The following LYST variants were observed in gnomAD, a reference collection of about 807,000 sequenced individuals.
The protein encoded by LYST is lysosomal-trafficking regulator.
Under a neutral mutation model 413.6 loss-of-function variants are expected in LYST, and 192 were observed. The ratio of observed to expected loss-of-function variants is 0.46; its 90% CI spans 0.41 to 0.52. The LOEUF is 0.52. Among genes scored for constraint, LYST ranks in the 20% least tolerant of loss-of-function variants. The probability of loss-of-function intolerance (pLI) is 0.00; values close to 1 mark genes in which losing one functional copy is unlikely to be tolerated. For synonymous variants in LYST, 1,525 were observed against 1,567.3 expected (o/e 0.97, Z 0.64); for missense variants, 3,815 against 4,499.9 (o/e 0.85, Z 4.35).
At chr1:235,695,629 ATTTTTTTTTT>A (rs148101450) in intron 46 of LYST, among the ~76,000 whole-genome samples, 2 of 116,418 alleles carry the variant, frequency 1.7e-5, no homozygotes, top group Non-Finnish European at 1.7e-5. Context: ...CAGTACTCTA[ATTTTTTTTTT>A]TTTTTTTTTT....
intron 3 of LYST, among the ~76,000 whole-genome samples, chr1:235,815,211 C>T (rs1032980255): frequency 2.0e-5 from 3 of 152,188 alleles, no homozygotes; most frequent in African/African-American, 7.2e-5. Context: ...CCCTACTAAA[C>T]AGGCCAGGCA....
intron 1 of LYST, among the ~76,000 whole-genome samples, chr1:235,851,332 T>C (rs999697301): frequency 2.0e-5 from 3 of 151,258 alleles, no homozygotes; most frequent in East Asian, 3.9e-4. Flanking sequence ...ATGTTCTCAC[T>C]GATATGTGGG....
chr1:235,743,077 C>G (rs1295128518), intron 30 of LYST, among the ~76,000 whole-genome samples: 1 of 152,132 alleles, frequency 6.6e-6, no homozygotes, highest in African/African-American at 2.4e-5. Context: ...TCTGTGGTTT[C>G]AGGCATTCAC....
intron 3 of LYST, among the ~76,000 whole-genome samples, chr1:235,819,442 C>T (rs1674512874): frequency 6.6e-6 from 1 of 152,130 alleles, no homozygotes; most frequent in Non-Finnish European, 1.5e-5. Flanking sequence ...GATCTTATCT[C>T]CCAAGTTTTA....
chr1:235,757,988 G>A lies in LYST; in HGVS notation c.6882-530C>T, dbSNP rs139496715. ...GAGAAGAGAGGCAAATATTGGTACA[G>A]GGGAAGAATCTAGCATTACAGAATA... On this transcript the variant is annotated intron_variant, in intron 23 of 52. Coordinates refer to ENST00000389793, the MANE Select transcript of LYST (RefSeq NM_000081.4). Among the ~76,000 whole-genome samples the A allele has an allele frequency of 9.9e-5, 15 of 152,046 alleles. No homozygotes were observed. In the East Asian group the frequency reaches 2.5e-3, roughly 25 times the overall value.
At chr1:235,837,660 T>A (rs1049604758) in intron 1 of LYST, among the ~76,000 whole-genome samples, 4 of 150,716 alleles carry the variant, frequency 2.7e-5, no homozygotes, top group African/African-American at 4.9e-5. Context: ...GAAGTTAAGT[T>A]AAGTAAGATG....
chr1:235,778,216 G>A (rs897618337), intron 16 of LYST, among the ~76,000 whole-genome samples: 2 of 150,838 alleles, frequency 1.3e-5, no homozygotes, highest in Non-Finnish European at 2.9e-5. Context: ...AGAGTGCTGG[G>A]ATTATAGGCA....
intron 48 of LYST, among the ~76,000 whole-genome samples, chr1:235,684,766 G>GCAC (rs1660078338): frequency 6.6e-6 from 1 of 151,946 alleles, no homozygotes; most frequent in African/African-American, 2.4e-5. Context: ...CCACAGGCAT[G>GCAC]CACCACCATG....
intron 45 of LYST, among the ~76,000 whole-genome samples, chr1:235,698,668 A>G (rs1000702802): frequency 3.9e-5 from 6 of 152,038 alleles, no homozygotes; most frequent in Admixed American, 6.6e-5. Flanking sequence ...TCAGGAGATC[A>G]AGACCATCCT....
intron 3 of LYST, chr1:235,827,646 G>C (rs1675480323): frequency 1.0e-6 from 1 of 984,376 alleles, no homozygotes; most frequent in African/African-American, 1.8e-5. Flanking sequence ...GTTTTAAATG[G>C]CTATTTATTT....
At chr1:235,880,999 G>T (rs1200467762) in intron 1 of LYST, among the ~76,000 whole-genome samples, 1 of 152,120 alleles carries the variant, frequency 6.6e-6, no homozygotes, top group African/African-American at 2.4e-5. Context: ...GGTGGAGGGT[G>T]CATGTAATCC....
chr1:235,765,940 ACT>A, intron 21 of LYST, 137 bp downstream of exon 21: 2 of 750,062 alleles, frequency 2.7e-6, no homozygotes, highest in East Asian at 2.5e-5. Flanking sequence ...TCATTCTATA[ACT>A]CTCTGCCCTA....
chr1:235,680,235 G>A (rs144247734), intron 48 of LYST, among the ~76,000 whole-genome samples: 2 of 152,074 alleles, frequency 1.3e-5, no homozygotes, highest in East Asian at 3.9e-4. Context: ...GTTGGCCATC[G>A]GCCATGATCA....
chr1:235,717,992 T>C (rs1347278514), intron 40 of LYST, among the ~76,000 whole-genome samples: 1 of 151,866 alleles, frequency 6.6e-6, no homozygotes, highest in African/African-American at 2.4e-5. Flanking sequence ...GCCTCCCAAG[T>C]AGCTGGGACT....
intron 3 of LYST, among the ~76,000 whole-genome samples, chr1:235,820,630 C>CA (rs1352442153): frequency 6.6e-6 from 1 of 152,130 alleles, no homozygotes; most frequent in African/African-American, 2.4e-5. Flanking sequence ...CTTGGCCTCT[C>CA]AAAGTGCTAG....
At chr1:235,839,954 C>T (rs905118845) in intron 1 of LYST, 4 of 152,144 alleles carry the variant, frequency 2.6e-5, no homozygotes, top group African/African-American at 9.7e-5. Flanking sequence ...CCTATTATCA[C>T]CTTGTAACCA....
chr1:235,688,427 C>T (rs889730441), intron 47 of LYST, among the ~76,000 whole-genome samples: 2 of 152,158 alleles, frequency 1.3e-5, no homozygotes, highest in African/African-American at 4.8e-5. Flanking sequence ...TTTCTTATTG[C>T]ATTGTCCAAA....
chr1:235,700,166 A>G (rs1291672018), intron 45 of LYST, among the ~76,000 whole-genome samples: 1 of 152,256 alleles, frequency 6.6e-6, no homozygotes, highest in Non-Finnish European at 1.5e-5. Flanking sequence ...CATTCAGGAC[A>G]TAGGCACGGG....
intron 17 of LYST, among the ~76,000 whole-genome samples, chr1:235,776,563 A>G (rs986410291): frequency 1.3e-5 from 2 of 152,134 alleles, no homozygotes; most frequent in African/African-American, 4.8e-5. Flanking sequence ...ATAGTCTATA[A>G]TTACTGACTG....
Sources: gnomAD v4.1 joint callset for allele counts (sites outside exome capture counted in the v4.1 genomes callset) on GRCh38, gnomAD v4.1.1 for gene constraint, MANE v1.5 for transcripts, NCBI Gene and HGNC (gene_info 2026-07-23, HGNC 2026-07-21) for gene names.